CDH9: variants seen among roughly 807,000 people sequenced by gnomAD.
The protein encoded by CDH9 is cadherin 9.
CDH9 carries 28 observed loss-of-function variants against 70.9 expected under a neutral mutation model. The observed-to-expected ratio is 0.40, with a 90% confidence interval of 0.29 to 0.54. The LOEUF is 0.54. CDH9 is among the 20% of genes least tolerant of loss of function. The pLI is 0.59. For synonymous variants in CDH9, 409 were observed against 343.1 expected, an observed-to-expected ratio of 1.19 and a Z score of -2.12; for missense variants, 874 against 984.4, an observed-to-expected ratio of 0.89 and a Z score of 1.50.
chr5:26,904,812 G>A (rs1279778299), intron 5 of CDH9, among the ~76,000 whole-genome samples: 3 of 152,004 alleles, frequency 2.0e-5, no homozygotes, highest in Non-Finnish European at 2.9e-5. Flanking sequence ...TCACTCATAG[G>A]TTTGTTTTAT....
intron 2 of CDH9, among the ~76,000 whole-genome samples, chr5:26,978,570 C>A (rs966852899): frequency 7.7e-6 from 1 of 129,450 alleles, no homozygotes; most frequent in East Asian, 2.0e-4. Flanking sequence ...GAGATAGTGG[C>A]CACAAAAATA....
intron 2 of CDH9, among the ~76,000 whole-genome samples, chr5:26,942,277 C>T (rs1345702696): frequency 3.3e-5 from 5 of 152,126 alleles, no homozygotes; most frequent in Admixed American, 3.3e-4. Flanking sequence ...GTAACCACCC[C>T]CACAATTCAA....
At chr5:26,943,785 G>A (rs76597558) in intron 2 of CDH9, among the ~76,000 whole-genome samples, 3,595 of 152,224 alleles carry the variant, frequency 0.024, 144 homozygotes, top group African/African-American at 0.081. Flanking sequence ...ATGCCTCCAA[G>A]AGACAATTAA....
At chr5:26,906,235 G>T in intron 4 of CDH9, 109 bp from the exon 5 acceptor site, 1 of 861,238 alleles carries the variant, frequency 1.2e-6, no homozygotes, top group Non-Finnish European at 1.8e-6. Flanking sequence ...TAAAATGTCA[G>T]TGTATTTAAA....
At chr5:26,899,973 G>C (rs1029053589) in intron 7 of CDH9, among the ~76,000 whole-genome samples, 1 of 151,630 alleles carries the variant, frequency 6.6e-6, no homozygotes, top group African/African-American at 2.4e-5. Context: ...CACTGATCAG[G>C]ATAAAGTAGA....
At chr5:26,916,004 C>A (rs1242210111) in intron 2 of CDH9, 80 bp from the exon 3 acceptor site, 14 of 894,460 alleles carry the variant, frequency 1.6e-5, no homozygotes, top group South Asian at 3.4e-5. Context: ...GCTATCAATT[C>A]GTCTCCATAT....
At chr5:27,008,400 T>A (rs1243393040) in intron 1 of CDH9, among the ~76,000 whole-genome samples, 1 of 151,726 alleles carries the variant, frequency 6.6e-6, no homozygotes, top group Non-Finnish European at 1.5e-5. Context: ...TAAGTCATGA[T>A]AATCACTTGA....
intron 2 of CDH9, among the ~76,000 whole-genome samples, chr5:26,959,139 G>T (rs1206273973): frequency 1.3e-5 from 2 of 151,996 alleles, no homozygotes; most frequent in African/African-American, 4.8e-5. Context: ...AATATATAAA[G>T]AACTCTTAGA....
chr5:26,957,944 G>C (rs752703944), intron 2 of CDH9, among the ~76,000 whole-genome samples: 19 of 152,104 alleles, frequency 1.2e-4, no homozygotes, highest in Admixed American at 8.5e-4. Flanking sequence ...AACAAAGTTA[G>C]TCTCCCATTC....
chr5:26,892,436 T>C (rs955785197), intron 7 of CDH9, among the ~76,000 whole-genome samples: 2 of 152,210 alleles, frequency 1.3e-5, no homozygotes, highest in Non-Finnish European at 2.9e-5. Context: ...CTAGGTTTTA[T>C]ATAGCAGTTT....
intron 1 of CDH9, among the ~76,000 whole-genome samples, chr5:27,032,251 A>G (rs1743321708): frequency 6.6e-6 from 1 of 151,574 alleles, no homozygotes; most frequent in Non-Finnish European, 1.5e-5. Context: ...GTTCATTATA[A>G]TTATAAAGAT....
At chr5:27,038,003 A>G (rs565530718) in intron 1 of CDH9, among the ~76,000 whole-genome samples, 55 of 152,118 alleles carry the variant, frequency 3.6e-4, no homozygotes, top group African/African-American at 1.3e-3. Context: ...AATTATTAAT[A>G]AAGATGCCCT....
rs563135191 is a variant in CDH9 at position 26,900,874 on chromosome 5, C to A, written c.1253+1602G>T. Among the ~76,000 whole-genome samples, 19 of 152,072 alleles carry A rather than the reference C, an allele frequency of 1.2e-4. No homozygotes were observed. In the South Asian group the frequency reaches 2.7e-3, roughly 22 times the overall value. Reference sequence around the variant, plus strand: ...CATTTGTAGCTACTGGTATGACCAACCCCTTGTCCTTTAAAAAATAGATGA... The same window carrying A: ...CATTTGTAGCTACTGGTATGACCAAACCCTTGTCCTTTAAAAAATAGATGA... On this transcript the variant is annotated intron_variant, in intron 7 of 11. Transcript: ENST00000231021.
At chr5:26,893,178 G>A (rs1449896553) in intron 7 of CDH9, among the ~76,000 whole-genome samples, 2 of 151,954 alleles carry the variant, frequency 1.3e-5, no homozygotes, top group Admixed American at 6.6e-5. Flanking sequence ...TAAGTAAATG[G>A]GTCTGATCAT....
intron 1 of CDH9, among the ~76,000 whole-genome samples, chr5:27,023,704 G>T (rs1218526546): frequency 6.6e-6 from 1 of 151,924 alleles, no homozygotes; most frequent in African/African-American, 2.4e-5. Context: ...TTTTCTTAAA[G>T]TTCTTATATC....
At chr5:26,886,260 T>A (rs886604118) in intron 9 of CDH9, among the ~76,000 whole-genome samples, 177 bp from the exon 10 acceptor site, 6 of 152,194 alleles carry the variant, frequency 3.9e-5, no homozygotes, top group African/African-American at 1.4e-4. Flanking sequence ...CAGTTTTGTC[T>A]TAGATAACTT....
intron 2 of CDH9, among the ~76,000 whole-genome samples, chr5:26,940,767 A>C (rs899322147): frequency 3.3e-5 from 5 of 152,240 alleles, no homozygotes; most frequent in Non-Finnish European, 7.3e-5. Flanking sequence ...ATTGATTTTG[A>C]AAAACGAGGT....
intron 1 of CDH9, among the ~76,000 whole-genome samples, chr5:27,030,739 C>CA (rs921550258): frequency 4.6e-5 from 7 of 151,132 alleles, no homozygotes; most frequent in South Asian, 4.2e-4. Flanking sequence ...TAAAGCATAA[C>CA]AAAAAAATAC....
intron 3 of CDH9, among the ~76,000 whole-genome samples, chr5:26,909,135 C>G (rs1352374796): frequency 1.3e-5 from 2 of 151,332 alleles, no homozygotes; most frequent in African/African-American, 4.8e-5. Context: ...AGGTGCCCGC[C>G]ACCAAGCCTG....
Sources: gnomAD v4.1 joint callset for allele counts (sites outside exome capture counted in the v4.1 genomes callset) on GRCh38, gnomAD v4.1.1 for gene constraint, MANE v1.5 for transcripts, NCBI Gene and HGNC (gene_info 2026-07-23, HGNC 2026-07-21) for gene names.